TSC22D1: variants seen among roughly 807,000 people sequenced by gnomAD.
TSC22D1 encodes the protein TSC22 domain family member 1, also known as TSC22 domain family protein 1.
Under a neutral mutation model 74.2 loss-of-function variants are expected in TSC22D1, and 9 were observed. The observed-to-expected ratio is 0.12, with a 90% confidence interval of 0.07 to 0.21. The LOEUF is 0.21. Ranked by LOEUF, TSC22D1 falls within the 10% of genes least tolerant of loss-of-function variation. The pLI is 1.00. For synonymous variants in TSC22D1, 586 were observed against 492.5 expected (o/e 1.19, Z -2.51); for missense variants, 1,427 against 1,304.7 (o/e 1.09, Z -1.44).
At chr13:44,528,553 A>G (rs1302587205) in intron 1 of TSC22D1, among the ~76,000 whole-genome samples, 1 of 152,060 alleles carries the variant, frequency 6.6e-6, no homozygotes, top group African/African-American at 2.4e-5. Context: ...GCTAGAGGGA[A>G]ATTTATAACA....
rs182650243 is a variant in TSC22D1, at chr13:44,488,999, A to T, written c.2913-52904T>A. Among the ~76,000 whole-genome samples the T allele has an allele frequency of 6.6e-4, 101 of 152,314 alleles. 1 individual carries two copies. Among genetic ancestry groups the T allele is most frequent in the Admixed American group, 1.8e-3 (27 of 15,300 alleles). On this transcript the variant is annotated intron_variant, in intron 1 of 2. Coordinates refer to ENST00000458659, the MANE Select transcript of TSC22D1 (RefSeq NM_183422.4). Reference sequence around the variant, plus strand: ...GGCATCTTAAAGAAGAAGAAAGTGAAGAGACCTTCCCAGATACCAAAACTT... The same window carrying T: ...GGCATCTTAAAGAAGAAGAAAGTGATGAGACCTTCCCAGATACCAAAACTT...
intron 1 of TSC22D1, among the ~76,000 whole-genome samples, chr13:44,520,346 G>T (rs1445624470): frequency 6.6e-6 from 1 of 152,144 alleles, no homozygotes; most frequent in African/African-American, 2.4e-5. Flanking sequence ...ATGCTGCTGA[G>T]GGTACACATA....
intron 1 of TSC22D1, among the ~76,000 whole-genome samples, chr13:44,491,548 C>T (rs1244473135): frequency 4.2e-5 from 6 of 142,098 alleles, no homozygotes; most frequent in South Asian, 2.2e-4. Context: ...AGCGAGACTC[C>T]GTCTCAAAAA....
chr13:44,432,468 G>A lies in TSC22D1; in HGVS notation c.*2158C>T, dbSNP rs1404046607. 6.6e-6 allele frequency: 1 copy of A among 152,174 alleles called. No individual in the cohort carries two copies. The highest frequency in any genetic ancestry group is 1.5e-5 in the Non-Finnish European group (1 of 68,028). The allele number at this position is 152,174 out of a possible 1,614,324, so 9.4% of individuals were successfully genotyped here. On this transcript the variant is annotated 3_prime_UTR_variant, in exon 3 of 3. Coordinates refer to ENST00000458659, the MANE Select transcript of TSC22D1 (RefSeq NM_183422.4). ...AGTTATATAACCAACAAGCCAATAT[G>A]AAAGATTTTTCTTTACGTCCTTTTC...
At chr13:44,550,418 C>T (rs1049082721) in intron 1 of TSC22D1, among the ~76,000 whole-genome samples, 8 of 152,056 alleles carry the variant, frequency 5.3e-5, no homozygotes, top group African/African-American at 1.9e-4. Flanking sequence ...CCCATCTCTA[C>T]TAAAAATACA....
chr13:44,510,163 C>T (rs1209560101), intron 1 of TSC22D1, among the ~76,000 whole-genome samples: 3 of 151,182 alleles, frequency 2.0e-5, no homozygotes, highest in Non-Finnish European at 4.4e-5. Context: ...GCGGGTGGAT[C>T]ACCTGAGGTC....
chr13:44,513,569 G>A (rs956225920), intron 1 of TSC22D1, among the ~76,000 whole-genome samples: 41 of 152,130 alleles, frequency 2.7e-4, no homozygotes, highest in African/African-American at 9.9e-4. Context: ...ACAAAATAGA[G>A]TGAAATATTT....
intron 1 of TSC22D1, among the ~76,000 whole-genome samples, chr13:44,561,316 A>C (rs1883022296): frequency 6.6e-6 from 1 of 152,218 alleles, no homozygotes; most frequent in South Asian, 2.1e-4. Context: ...TCTCATACTC[A>C]ATTAAGGAAG....
chr13:44,489,938 C>T (rs1415168374), intron 1 of TSC22D1, among the ~76,000 whole-genome samples: 1 of 152,034 alleles, frequency 6.6e-6, no homozygotes, highest in Admixed American at 6.6e-5. Flanking sequence ...ACAGACACAG[C>T]TAGGAGTGAA....
chr13:44,570,125 C>G (rs1883658668), intron 1 of TSC22D1, among the ~76,000 whole-genome samples: 1 of 151,936 alleles, frequency 6.6e-6, no homozygotes. Flanking sequence ...GATGCAATAC[C>G]TGTATTTTCC....
chr13:44,446,222 T>C (rs376567786), intron 1 of TSC22D1, among the ~76,000 whole-genome samples: 1 of 152,042 alleles, frequency 6.6e-6, no homozygotes, highest in East Asian at 1.9e-4. Context: ...CCTGAATGAA[T>C]CTCAAATATA....
At chr13:44,439,720 A>AT (rs1470940160) in intron 1 of TSC22D1, among the ~76,000 whole-genome samples, 2 of 152,216 alleles carry the variant, frequency 1.3e-5, no homozygotes, top group Non-Finnish European at 2.9e-5. Context: ...AGATTGAGGT[A>AT]TTTTCTAGTG....
At chr13:44,534,691 A>G (rs1048171059) in intron 1 of TSC22D1, among the ~76,000 whole-genome samples, 1 of 152,176 alleles carries the variant, frequency 6.6e-6, no homozygotes, top group Non-Finnish European at 1.5e-5. Flanking sequence ...TCCTCAGTAC[A>G]AGACTTCCGA....
rs766007667 is a variant in TSC22D1 at position 44,432,624 on chromosome 13, C to A, written c.*2002G>T. 1 of 152,134 alleles carries A rather than the reference C, an allele frequency of 6.6e-6. No individual in the cohort carries two copies. The highest frequency in any genetic ancestry group is 1.5e-5 in the Non-Finnish European group (1 of 68,016). The allele number at this position is 152,134 out of a possible 1,614,324, so 9.4% of individuals were successfully genotyped here. A position where few individuals can be genotyped will look rare whatever the true frequency, so the allele number is the denominator to read the frequency against. On this transcript the variant is annotated 3_prime_UTR_variant, in exon 3 of 3. Coordinates refer to ENST00000458659, the MANE Select transcript of TSC22D1 (RefSeq NM_183422.4). The stretch of plus-strand genomic sequence containing the variant: ...CTATCGAACAATTCTTTTTAGGGAT[C>A]TTGGATGTCCCATTCACCTCTCAAT...
intron 1 of TSC22D1, among the ~76,000 whole-genome samples, chr13:44,490,772 C>A (rs1481947634): frequency 6.6e-6 from 1 of 151,918 alleles, no homozygotes; most frequent in Admixed American, 6.6e-5. Context: ...TGGTGCATGC[C>A]TGTAATCCCA....
chr13:44,486,771 G>C (rs955814836), intron 1 of TSC22D1, among the ~76,000 whole-genome samples: 6 of 152,160 alleles, frequency 3.9e-5, no homozygotes, highest in Non-Finnish European at 8.8e-5. Flanking sequence ...ATTAATTAAT[G>C]TGTAATTCAC....
chr13:44,529,761 A>G (rs1880733009), intron 1 of TSC22D1, among the ~76,000 whole-genome samples: 1 of 152,162 alleles, frequency 6.6e-6, no homozygotes, highest in South Asian at 2.1e-4. Flanking sequence ...ACACAAGTCA[A>G]TTGCTTTCCC....
At position 44,574,245 on chromosome 13, in the gene TSC22D1, C is replaced by T. The variant is rs199532099; in HGVS notation, c.1830G>A (p.Ala610=). 1.7e-5 allele frequency: 28 copies of T among 1,614,020 alleles called. No individual in the cohort carries two copies. The highest frequency in any genetic ancestry group is 6.7e-5 in the Admixed American group (4 of 59,998). Residue 610 remains alanine, a synonymous_variant, in exon 1 of 3, where the codon GCG becomes GCA. Transcript: ENST00000458659. ...GAAGGGGAGTTTGCACTGGAGGAGC[C>T]GCCTGAGAATATGGTAGCTGGGGTT... The part of the protein sequence containing the change: ...LAQPQLPYSQ[A]APPVQTPLPG...
At chr13:44,485,903 A>C (rs1468814974) in intron 1 of TSC22D1, among the ~76,000 whole-genome samples, 3 of 152,088 alleles carry the variant, frequency 2.0e-5, no homozygotes, top group Admixed American at 1.3e-4. Flanking sequence ...AACTGTTGTA[A>C]GGCTTCTGTA....
Sources: allele counts gnomAD v4.1 joint callset (sites outside exome capture counted in the v4.1 genomes callset), GRCh38; gene constraint gnomAD v4.1.1; transcripts MANE v1.5; gene names NCBI Gene and HGNC (gene_info 2026-07-23, HGNC 2026-07-21).